Variants in ADCY7 observed in about 807,000 individuals in gnomAD.
ADCY7 encodes the protein adenylate cyclase 7.
A neutral mutation model predicts 120.6 loss-of-function variants in ADCY7; 72 were observed. That is an observed-to-expected ratio of 0.60 (90% confidence interval 0.49 to 0.73). The LOEUF is 0.73. Ranked by LOEUF, ADCY7 falls within the 30% of genes least tolerant of loss-of-function variation. The probability of loss-of-function intolerance (pLI) is 0.00; values close to 1 mark genes in which losing one functional copy is unlikely to be tolerated. For synonymous variants in ADCY7, 661 were observed against 628.0 expected, an observed-to-expected ratio of 1.05 and a Z score of -0.78; for missense variants, 1,227 against 1,486.0, an observed-to-expected ratio of 0.83 and a Z score of 2.87.
rs191534181 is a variant in ADCY7, at chr16:50,312,084, A to G, written c.2497A>G (p.Lys833Glu). The change falls in exon 21 of 26, where the codon AAG becomes GAG. Residue 833 changes from lysine (K) to glutamate (E), a missense_variant. Transcript: ENST00000673801. ...LDCLWKKKFK[K>E]EHEEFETMEN... ...CTGCCTATGGAAGAAGAAGTTCAAGAAGGAGCACGAGGAGTTTGAGACCAT... is the reference window on the plus strand; with the variant it reads ...CTGCCTATGGAAGAAGAAGTTCAAGGAGGAGCACGAGGAGTTTGAGACCAT... The G allele has an allele frequency of 1.1e-5, 17 of 1,614,232 alleles. No individual in the cohort carries two copies. Among genetic ancestry groups the G allele is most frequent in the South Asian group, 7.7e-5 (7 of 91,088 alleles).
chr16:50,245,438 T>G (rs2032549633), upstream of ADCY7, among the ~76,000 whole-genome samples: 1 of 152,156 alleles, frequency 6.6e-6, no homozygotes, highest in South Asian at 2.1e-4. Flanking sequence ...CGACCTCCTC[T>G]GCCCCTCCCA....
At position 50,288,055 on chromosome 16, in the gene ADCY7, T is replaced by C; in HGVS notation, c.-125T>C. The C allele has an allele frequency of 1.7e-6, 2 of 1,207,572 alleles. No homozygotes were observed. Among genetic ancestry groups the C allele is most frequent in the South Asian group, 1.6e-5 (1 of 61,086 alleles). 74.8% of individuals were successfully genotyped at this position (1,207,572 alleles called of 1,614,324 possible). On this transcript the variant is annotated 5_prime_UTR_variant, in exon 2 of 26. Coordinates refer to ENST00000673801, the MANE Select transcript of ADCY7 (RefSeq NM_001114.5). ...GGCCCAGAGGCCCTCTCCCCAGCCC[T>C]GCTTGCCTGCCTCGGAGAGGACAGA...
In ADCY7 at chr16:50,250,637, T is replaced by TA. The variant is rs2032732038; in HGVS notation, c.-64+4439dup. 1.5e-4 allele frequency among the ~76,000 whole-genome samples: 12 copies of TA among 79,842 alleles called. No individual in the cohort carries two copies. In the South Asian group the frequency reaches 4.7e-3, roughly 31 times the overall value. The allele number at this position is 79,842 out of a possible 152,430, so 52.4% of individuals were successfully genotyped here. On this transcript the variant is annotated intron_variant, in intron 1 of 4. Transcript: ENST00000564044. ...AAATAAACAATTTTAAAACAAATTT[T>TA]AAAAATGCAGTATGTGAGCATATGG...
chr16:50,290,763 GT>G, intron 3 of ADCY7, 103 bp downstream of exon 3: 1 of 1,303,268 alleles, frequency 7.7e-7, no homozygotes, highest in South Asian at 1.4e-5. Flanking sequence ...GCTTGGCTGT[GT>G]GTCTAGGATG....
chr16:50,314,316 A>G lies in ADCY7; in HGVS notation c.2881A>G (p.Ile961Val), dbSNP rs2036665713. ...NQELERQHAHIGVMVEFSIAL... is the reference protein window; with the variant it reads ...NQELERQHAHVGVMVEFSIAL... ...GGAGCTGGAGCGGCAGCATGCCCAC[A>G]TTGGTGTCATGGTGGAGTTCAGCAT... The change falls in exon 24 of 26, where the codon ATT becomes GTT. Residue 961 changes from isoleucine to valine, a missense_variant. Physicochemically the swap from Ile to Val is conservative, Grantham distance 29. Around this residue, in one of 5 missense-constraint regions of ADCY7, gnomAD observed 244 missense variants for 332.8 expected, o/e 0.73. Coordinates refer to ENST00000673801, the MANE Select transcript of ADCY7 (RefSeq NM_001114.5). 1.2e-6 allele frequency: 2 copies of G among 1,614,012 alleles called. No individual in the cohort carries two copies. Among genetic ancestry groups the G allele is most frequent in the African/African-American group, 1.3e-5 (1 of 74,932 alleles).
intron 1 of ADCY7, among the ~76,000 whole-genome samples, chr16:50,257,902 C>T (rs1213615285): frequency 6.6e-6 from 1 of 151,970 alleles, no homozygotes; most frequent in Non-Finnish European, 1.5e-5. Context: ...ACCACCACAC[C>T]AGGCTAATTT....
chr16:50,257,065 G>T (rs897239755), intron 1 of ADCY7, among the ~76,000 whole-genome samples: 1 of 152,216 alleles, frequency 6.6e-6, no homozygotes, highest in African/African-American at 2.4e-5. Flanking sequence ...AATACTGCAC[G>T]ATCTCACTTA....
chr16:50,312,056 G>T lies in ADCY7; in HGVS notation c.2469G>T (p.Leu823Phe). 1 of 1,614,188 alleles carries T rather than the reference G, an allele frequency of 6.2e-7. No homozygotes were observed. Among genetic ancestry groups the T allele is most frequent in the Non-Finnish European group, 8.5e-7 (1 of 1,180,032 alleles). Residue 823 changes from leucine to phenylalanine, a missense_variant, in exon 21 of 26, where the codon TTG (leucine) becomes TTT (phenylalanine). Physicochemically the swap from Leu to Phe is conservative, Grantham distance 22. Around this residue, in one of 5 missense-constraint regions of ADCY7, gnomAD observed 267 missense variants for 270.0 expected, o/e 0.99. Coordinates refer to ENST00000673801, the MANE Select transcript of ADCY7 (RefSeq NM_001114.5). ...TGCAGATTGACTATTACTGCCGCTT[G>T]GACTGCCTATGGAAGAAGAAGTTCA... ...LSRQIDYYCR[L>F]DCLWKKKFKK...
upstream of ADCY7, among the ~76,000 whole-genome samples, chr16:50,263,023 C>T (rs1307811616): frequency 2.6e-5 from 4 of 152,178 alleles, no homozygotes; most frequent in African/African-American, 9.7e-5. Flanking sequence ...TGTCCTTGTT[C>T]CCAGGGAGGG....
chr16:50,254,259 C>A (rs1465740006), intron 1 of ADCY7, among the ~76,000 whole-genome samples: 1 of 152,210 alleles, frequency 6.6e-6, no homozygotes, highest in East Asian at 1.9e-4. Flanking sequence ...CCCCTGCCTC[C>A]GCTTCCGCAG....
rs565448426 is a variant in ADCY7, at chr16:50,310,900, C to T, written c.2354+20C>T. 309 of 1,560,976 alleles carry T rather than the reference C, an allele frequency of 2.0e-4. No homozygotes were observed. Among genetic ancestry groups the T allele is most frequent in the Admixed American group, 1.5e-4 (8 of 53,500 alleles). ...CACCAGGTGGGGTCCCGCCCGTCCC[C>T]GTCCCCATCCCCATGGTGGCCTGTT... On this transcript the variant is annotated intron_variant, in intron 19 of 25. Transcript: ENST00000673801.
At chr16:50,296,591 T>A (rs2035369078) in intron 7 of ADCY7, among the ~76,000 whole-genome samples, 2 of 151,968 alleles carry the variant, frequency 1.3e-5, no homozygotes, top group Admixed American at 1.3e-4. Flanking sequence ...TTCCTGACCT[T>A]GTGATCCGCC....
chr16:50,290,014 C>A (rs1289592828), intron 2 of ADCY7, among the ~76,000 whole-genome samples: 1 of 152,222 alleles, frequency 6.6e-6, no homozygotes, highest in African/African-American at 2.4e-5. Context: ...TCAGCTCCTC[C>A]CCTGTGGGAT....
intron 14 of ADCY7, among the ~76,000 whole-genome samples, chr16:50,306,522 C>A (rs1381844888): frequency 7.2e-6 from 1 of 139,304 alleles, no homozygotes; most frequent in Non-Finnish European, 1.5e-5. Flanking sequence ...TCCTTCCCTG[C>A]AGCAGGAACC....
upstream of ADCY7, among the ~76,000 whole-genome samples, chr16:50,245,126 T>C (rs1412792679): frequency 6.6e-6 from 1 of 152,102 alleles, no homozygotes; most frequent in African/African-American, 2.4e-5. Flanking sequence ...TGAGCCGGGG[T>C]AGCAGGCTCC....
In ADCY7 at chr16:50,317,660, G is replaced by A. The variant is rs1207056876; in HGVS notation, c.*2155G>A. 2.6e-5 allele frequency: 4 copies of A among 152,220 alleles called. No individual in the cohort carries two copies. The highest frequency in any genetic ancestry group is 5.9e-5 in the Non-Finnish European group (4 of 68,012). The allele number at this position is 152,220 out of a possible 1,614,324, so 9.4% of individuals were successfully genotyped here. ...AAAGTTTTTAGTTTTCAGTGTTCAGGTTATAGAATATAACTGACCATAAAA... is the reference window on the plus strand; with the variant it reads ...AAAGTTTTTAGTTTTCAGTGTTCAGATTATAGAATATAACTGACCATAAAA... On this transcript the variant is annotated 3_prime_UTR_variant, in exon 26 of 26. Transcript: ENST00000673801.
rs368044444 is a variant in ADCY7 at position 50,255,402 on chromosome 16, G to GGAAAAAAAAAAAAAAAAAA, written c.-64+9199_-64+9200insGAAAAAAAAAAAAAAAAAA. Among the ~76,000 whole-genome samples the GGAAAAAAAAAAAAAAAAAA allele has an allele frequency of 6.8e-4, 73 of 108,128 alleles. 5 individuals carry two copies. Among genetic ancestry groups the GGAAAAAAAAAAAAAAAAAA allele is most frequent in the African/African-American group, 2.6e-3 (71 of 27,170 alleles). 70.9% of individuals were successfully genotyped at this position (108,128 alleles called of 152,430 possible). ...CCTGGCCCATAAGACTCTGTTTCTG[G>GGAAAAAAAAAAAAAAAAAA]AAAAAAAAAAAAAAAAAAAGACGTA... On this transcript the variant is annotated intron_variant, in intron 1 of 4. Transcript: ENST00000564044.
intron 5 of ADCY7, among the ~76,000 whole-genome samples, 184 bp downstream of exon 5, chr16:50,293,009 C>T (rs921722742): frequency 1.3e-5 from 2 of 152,164 alleles, no homozygotes; most frequent in East Asian, 1.9e-4. Context: ...ACTCTGCCTT[C>T]CTCTGTGTGG....
chr16:50,308,936 C>T (rs2302681), intron 17 of ADCY7, 144 bp downstream of exon 17: 1 of 1,089,720 alleles, frequency 9.2e-7, no homozygotes, highest in East Asian at 2.8e-5. Flanking sequence ...CCCCTTTGTA[C>T]ACTCAGGGCT....
Sources: gnomAD v4.1 joint callset for allele counts (sites outside exome capture counted in the v4.1 genomes callset) on GRCh38, gnomAD v4.1.1 for gene constraint, gnomAD v4.1.1 regional missense constraint, MANE v1.5 for transcripts, NCBI Gene and HGNC (gene_info 2026-07-23, HGNC 2026-07-21) for gene names.